PLAC1: variants seen among roughly 807,000 people sequenced by gnomAD.
The protein encoded by PLAC1 is placenta associated 1.
For missense variants in PLAC1, 136 were observed against 163.2 expected, an observed-to-expected ratio of 0.83 and a Z score of 0.91; for synonymous variants, 68 against 62.1, an observed-to-expected ratio of 1.09 and a Z score of -0.44.
At chrX:134,694,202 A>G (rs1178151358) in intron 2 of PLAC1, among the ~76,000 whole-genome samples, 1 of 111,459 alleles carries the variant, frequency 9.0e-6, no homozygotes, top group East Asian at 2.8e-4. Flanking sequence ...TGCCCCTAAC[A>G]GTGCCTAGGA....
intron 1 of PLAC1, among the ~76,000 whole-genome samples, chrX:134,752,527 C>T (rs1408437066): frequency 1.3e-4 from 14 of 111,483 alleles, no homozygotes; most frequent in Admixed American, 4.8e-4. Context: ...TTTTTTTTCT[C>T]CCCTTGGCTT....
intron 2 of PLAC1, among the ~76,000 whole-genome samples, chrX:134,699,070 T>C (rs2078574220): frequency 9.0e-6 from 1 of 111,649 alleles, no homozygotes; most frequent in African/African-American, 3.3e-5. Context: ...TTTACTATGA[T>C]ATTCACTTAC....
At chrX:134,694,050 C>T (rs966083104) in intron 2 of PLAC1, among the ~76,000 whole-genome samples, 5 of 110,968 alleles carry the variant, frequency 4.5e-5, no homozygotes, top group Admixed American at 9.6e-5. Flanking sequence ...TTTCGAGGTG[C>T]GTTTTGTCTA....
intron 2 of PLAC1, among the ~76,000 whole-genome samples, chrX:134,590,957 G>A (rs150793070): frequency 0.027 from 2,721 of 102,387 alleles, 89 homozygotes; most frequent in African/African-American, 0.094. Context: ...GTCAGATACA[G>A]AGTTGGGGCT....
At chrX:134,655,741 T>C (rs1023050366) in intron 1 of PLAC1, among the ~76,000 whole-genome samples, 2 of 112,305 alleles carry the variant, frequency 1.8e-5, no homozygotes, top group Non-Finnish European at 3.8e-5. Flanking sequence ...TGTTTTCTTA[T>C]GGTATGTGTG....
At chrX:134,567,487 G>A (rs770240849) in intron 2 of PLAC1, among the ~76,000 whole-genome samples, 32 of 111,467 alleles carry the variant, frequency 2.9e-4, no homozygotes, top group Non-Finnish European at 4.0e-4. Flanking sequence ...AGAAAGGGGC[G>A]GCTTATGCCC....
intron 2 of PLAC1, among the ~76,000 whole-genome samples, chrX:134,598,745 T>A (rs1275269446): frequency 1.8e-5 from 2 of 111,669 alleles, no homozygotes; most frequent in African/African-American, 6.5e-5. Flanking sequence ...CAGGACTTGT[T>A]AACAGACTGT....
intron 1 of PLAC1, chrX:134,605,612 A>G (rs890052893): frequency 8.9e-6 from 1 of 112,560 alleles, no homozygotes; most frequent in Non-Finnish European, 1.9e-5. Context: ...CTTGCTCATC[A>G]TTGAGTGACC....
intron 1 of PLAC1, among the ~76,000 whole-genome samples, chrX:134,636,294 A>G (rs992083155): frequency 8.9e-6 from 1 of 112,452 alleles, no homozygotes; most frequent in Admixed American, 9.4e-5. Context: ...AAGTCATTTG[A>G]CAAAGCATCC....
At chrX:134,636,434 A>T (rs960529680) in intron 1 of PLAC1, among the ~76,000 whole-genome samples, 1 of 112,091 alleles carries the variant, frequency 8.9e-6, no homozygotes, top group African/African-American at 3.2e-5. Flanking sequence ...TCACATCTTG[A>T]TAAGGTTCTA....
At chrX:134,641,037 AAGAGTTT>A (rs1472163460) in intron 1 of PLAC1, among the ~76,000 whole-genome samples, 1 of 111,948 alleles carries the variant, frequency 8.9e-6, no homozygotes, top group Non-Finnish European at 1.9e-5. Context: ...GATTGAGGCC[AAGAGTTT>A]GCCTAGCCTG....
chrX:134,654,503 C>A (rs1373650006), intron 1 of PLAC1, among the ~76,000 whole-genome samples: 1 of 87,808 alleles, frequency 1.1e-5, no homozygotes, highest in Non-Finnish European at 2.4e-5. Context: ...TGAGACATAA[C>A]TGTACTGAAA....
chrX:134,654,796 C>T (rs1471077415), intron 1 of PLAC1, among the ~76,000 whole-genome samples: 2 of 112,355 alleles, frequency 1.8e-5, no homozygotes, highest in Non-Finnish European at 3.8e-5. Flanking sequence ...GTCTGTGGGG[C>T]CAACTCTCAC....
intron 2 of PLAC1, among the ~76,000 whole-genome samples, chrX:134,588,310 ATTTATTT>A (rs2078017044): frequency 9.8e-6 from 1 of 101,614 alleles, no homozygotes; most frequent in Non-Finnish European, 2.0e-5. Flanking sequence ...TTATTTATTT[ATTTATTT>A]ATTTATTTAT....
chrX:134,669,185 G>A (rs749891460), intron 2 of PLAC1, among the ~76,000 whole-genome samples: 9 of 111,914 alleles, frequency 8.0e-5, no homozygotes, highest in Non-Finnish European at 1.9e-5. Context: ...CTAGTTTCAT[G>A]TGGTTCAATT....
intron 2 of PLAC1, among the ~76,000 whole-genome samples, chrX:134,723,453 C>T (rs966912853): frequency 9.2e-5 from 10 of 109,283 alleles, no homozygotes; most frequent in Admixed American, 8.9e-4. Context: ...ACAGTAGGCA[C>T]GCACCACCAC....
chrX:134,567,798 GAA>G (rs1306817390), intron 2 of PLAC1, among the ~76,000 whole-genome samples: 2 of 70,009 alleles, frequency 2.9e-5, no homozygotes, highest in Admixed American at 2.0e-4. Context: ...AGAAAGGAAA[GAA>G]AGAGAGAGAG....
intron 1 of PLAC1, among the ~76,000 whole-genome samples, chrX:134,761,277 A>G (rs758459503): frequency 1.8e-5 from 2 of 111,978 alleles, no homozygotes; most frequent in African/African-American, 3.2e-5. Flanking sequence ...CTCTGGGGGA[A>G]AGGAGCTATG....
chrX:134,676,049 A>G (rs1297727310), intron 2 of PLAC1, among the ~76,000 whole-genome samples: 1 of 112,372 alleles, frequency 8.9e-6, no homozygotes, highest in Non-Finnish European at 1.9e-5. Context: ...TTTATTGGTT[A>G]GAAACGTTCA....
Sources: allele counts gnomAD v4.1 joint callset (sites outside exome capture counted in the v4.1 genomes callset), GRCh38; gene constraint gnomAD v4.1.1; transcripts MANE v1.5; gene names NCBI Gene and HGNC (gene_info 2026-07-23, HGNC 2026-07-21).